The following SEMA6A variants were observed in gnomAD, a reference collection of about 807,000 sequenced individuals.
SEMA6A encodes semaphorin-6A.
SEMA6A carries 25 observed loss-of-function variants against 96.8 expected under a neutral mutation model. The observed-to-expected ratio is 0.26, with a 90% CI of 0.19 to 0.36. SEMA6A has a LOEUF of 0.36. SEMA6A is among the 10% of genes least tolerant of loss of function. The probability of loss-of-function intolerance (pLI) is 1.00; values close to 1 mark genes in which losing one functional copy is unlikely to be tolerated. For missense variants in SEMA6A, 1,363 were observed against 1,323.1 expected (o/e 1.03, Z -0.47); for synonymous variants, 612 against 518.0 (o/e 1.18, Z -2.46).
At chr5:116,478,320 G>T in intron 13 of SEMA6A, 166 bp from the exon 14 acceptor site, 1 of 795,710 alleles carries the variant, frequency 1.3e-6, no homozygotes, top group Non-Finnish European at 2.0e-6. Context: ...ACATGTATAT[G>T]TATCTATATA....
intron 3 of SEMA6A, among the ~76,000 whole-genome samples, chr5:116,500,315 A>C (rs1169012548): frequency 6.6e-6 from 1 of 152,144 alleles, no homozygotes; most frequent in East Asian, 1.9e-4. Context: ...CCTGGTTCAA[A>C]TCCTGCCTCT....
chr5:116,502,288 C>T lies in SEMA6A; in HGVS notation c.140G>A (p.Gly47Glu). The T allele has an allele frequency of 6.2e-7, 1 of 1,613,930 alleles. No homozygotes were observed. The highest frequency in any genetic ancestry group is 2.2e-5 in the East Asian group (1 of 44,866). Residue 47 changes from glycine (G) to glutamate (E), a missense_variant, in exon 3 of 19, where the codon GGA becomes GAA. Transcript: ENST00000343348. ...QYPVFVGHKP[G>E]RNTTQRHRLD... ...CCTGTGCCTCTGTGTGGTGTTCCGT[C>T]CTGGCTTGTGGCCCACAAACACCGG...
intron 10 of SEMA6A, 158 bp downstream of exon 10, chr5:116,486,591 T>G (rs1757059374): frequency 1.6e-6 from 1 of 622,656 alleles, no homozygotes; most frequent in Admixed American, 3.0e-5. Flanking sequence ...TAAACTACTT[T>G]TAATTTGTTG....
chr5:116,553,290 A>C (rs778763388), intron 1 of SEMA6A, among the ~76,000 whole-genome samples: 19 of 152,198 alleles, frequency 1.2e-4, no homozygotes, highest in Non-Finnish European at 2.4e-4. Flanking sequence ...TATAAACCTC[A>C]GTGAAACCAC....
intron 18 of SEMA6A, among the ~76,000 whole-genome samples, chr5:116,460,452 T>A (rs570819389): frequency 3.9e-5 from 6 of 152,324 alleles, no homozygotes; most frequent in African/African-American, 1.4e-4. Context: ...TTAGATCTTA[T>A]ATATTCACTG....
At chr5:116,480,837 G>A (rs536132316) in intron 11 of SEMA6A, among the ~76,000 whole-genome samples, 33 of 152,178 alleles carry the variant, frequency 2.2e-4, no homozygotes, top group Middle Eastern at 6.8e-3. Flanking sequence ...ATTTTGGCAG[G>A]TATGAAAAGC....
chr5:116,516,631 T>C (rs184977415), intron 1 of SEMA6A, among the ~76,000 whole-genome samples: 6 of 152,340 alleles, frequency 3.9e-5, no homozygotes, highest in Non-Finnish European at 7.3e-5. Flanking sequence ...GTTTGAATTG[T>C]GGTGGAGAGA....
intron 1 of SEMA6A, among the ~76,000 whole-genome samples, chr5:116,556,711 A>G (rs1309812073): frequency 6.6e-6 from 1 of 152,152 alleles, no homozygotes; most frequent in East Asian, 1.9e-4. Flanking sequence ...TTTGGTGTTC[A>G]GCTTCATTTT....
intron 18 of SEMA6A, chr5:116,449,528 G>A (rs896741269): frequency 5.5e-6 from 3 of 549,608 alleles, no homozygotes; most frequent in Admixed American, 3.4e-5. Context: ...CTTTCTCATG[G>A]GGGTTTTTCT....
At chr5:116,520,546 A>G (rs1489438351) in intron 1 of SEMA6A, among the ~76,000 whole-genome samples, 1 of 152,220 alleles carries the variant, frequency 6.6e-6, no homozygotes, top group Non-Finnish European at 1.5e-5. Context: ...TGCAAGGGGC[A>G]GAGACTGGCA....
At chr5:116,481,264 G>A (rs535724344) in intron 11 of SEMA6A, among the ~76,000 whole-genome samples, 5 of 152,274 alleles carry the variant, frequency 3.3e-5, no homozygotes, top group African/African-American at 9.6e-5. Context: ...TATTACATAA[G>A]AACTTACTGA....
intron 1 of SEMA6A, among the ~76,000 whole-genome samples, chr5:116,530,963 A>G (rs1046990394): frequency 2.0e-5 from 3 of 152,180 alleles, no homozygotes; most frequent in African/African-American, 7.2e-5. Context: ...TGCCATTATT[A>G]TCCCCATTTG....
At chr5:116,514,680 G>A (rs943343137) in intron 1 of SEMA6A, among the ~76,000 whole-genome samples, 2 of 152,170 alleles carry the variant, frequency 1.3e-5, no homozygotes, top group African/African-American at 4.8e-5. Flanking sequence ...CTCTTTCCCT[G>A]CCTTATGCTA....
At chr5:116,470,088 C>T (rs147592892) in intron 17 of SEMA6A, among the ~76,000 whole-genome samples, 39 of 152,248 alleles carry the variant, frequency 2.6e-4, no homozygotes, top group African/African-American at 8.9e-4. Context: ...ATTAAACAGT[C>T]AGAGAAAGCA....
rs1029099690 is a variant in SEMA6A at position 116,487,997 on chromosome 5, T to G, written c.744+111A>C. 1.5e-5 allele frequency: 10 copies of G among 655,310 alleles called. No individual in the cohort carries two copies. The African/African-American group carries it at 1.8e-4, about 12-fold the overall frequency. 40.6% of individuals were successfully genotyped at this position (655,310 alleles called of 1,614,324 possible). ...CAGATAGGGCCTCCAGACCGCACTC[T>G]GTTATTAGATTTATGGCTCTCATTT... On this transcript the variant is annotated intron_variant, in intron 9 of 18. Coordinates refer to ENST00000343348, the MANE Select transcript of SEMA6A (RefSeq NM_020796.5).
At position 116,447,780 on chromosome 5, in the gene SEMA6A, G is replaced by A. The variant is rs757466690; in HGVS notation, c.1926C>T (p.His642=). ...AGAGGGTGACGGGAACCAGCTGGTCGTGGCCTTTGAGGTAACTTTCCCGAA... is the reference window on the plus strand; with the variant it reads ...AGAGGGTGACGGGAACCAGCTGGTCATGGCCTTTGAGGTAACTTTCCCGAA... ...GVIRESYLKG[H]DQLVPVTLLA... is the part of the protein sequence containing the mutation. The change falls in exon 19 of 19, where the codon CAC becomes CAT. Residue 642 remains histidine (H), a synonymous_variant. Transcript: ENST00000343348. 4 of 1,605,618 alleles carry A rather than the reference G, an allele frequency of 2.5e-6. No homozygotes were observed. The highest frequency in any genetic ancestry group is 2.6e-6 in the Non-Finnish European group (3 of 1,173,640).
At chr5:116,572,462 C>A (rs1761260315) in intron 1 of SEMA6A, among the ~76,000 whole-genome samples, 1 of 152,212 alleles carries the variant, frequency 6.6e-6, no homozygotes, top group African/African-American at 2.4e-5. Flanking sequence ...GTGAAGACAG[C>A]GCCTCCAGTC....
intron 3 of SEMA6A, among the ~76,000 whole-genome samples, chr5:116,497,815 A>C (rs1757674257): frequency 6.6e-6 from 1 of 152,252 alleles, no homozygotes; most frequent in South Asian, 2.1e-4. Context: ...GCTAACAAAA[A>C]AAATGATCTC....
intron 18 of SEMA6A, among the ~76,000 whole-genome samples, chr5:116,462,339 T>C (rs935952279): frequency 1.1e-4 from 16 of 152,156 alleles, no homozygotes; most frequent in African/African-American, 3.9e-4. Context: ...GGGTAAGCTA[T>C]TGCCAGGCCG....
Sources: gnomAD v4.1 joint callset for allele counts (sites outside exome capture counted in the v4.1 genomes callset) on GRCh38, gnomAD v4.1.1 for gene constraint, MANE v1.5 for transcripts, NCBI Gene and HGNC (gene_info 2026-07-23, HGNC 2026-07-21) for gene names.